The following PALM2AKAP2 variants were observed in gnomAD, a reference collection of about 807,000 sequenced individuals.
PALM2AKAP2 encodes PALM2-AKAP2 fusion protein.
Under a neutral mutation model 71.5 loss-of-function variants are expected in PALM2AKAP2, and 37 were observed. That is an observed-to-expected ratio of 0.52 (90% CI 0.40 to 0.68). The LOEUF is 0.68. Ranked by LOEUF, PALM2AKAP2 falls within the 30% of genes least tolerant of loss-of-function variation. PALM2AKAP2 has a pLI of 0.00. For synonymous variants in PALM2AKAP2, 468 were observed against 478.8 expected, an observed-to-expected ratio of 0.98 and a Z score of 0.29; for missense variants, 1,224 against 1,191.8, an observed-to-expected ratio of 1.03 and a Z score of -0.40.
chr9:109,866,895 A>G (rs1003359660), intron 1 of PALM2AKAP2: 11 of 389,356 alleles, frequency 2.8e-5, no homozygotes. Flanking sequence ...CAGCTGCCCC[A>G]CCCACATGAA....
intron 6 of PALM2AKAP2, among the ~76,000 whole-genome samples, chr9:109,947,707 C>T (rs1421042790): frequency 6.6e-6 from 1 of 152,216 alleles, no homozygotes; most frequent in Non-Finnish European, 1.5e-5. Flanking sequence ...GAGAGTTTTA[C>T]TCACTAACAG....
intron 6 of PALM2AKAP2, among the ~76,000 whole-genome samples, chr9:109,970,609 T>C (rs2132151904): frequency 6.6e-6 from 1 of 152,382 alleles, no homozygotes; most frequent in Admixed American, 6.5e-5. Flanking sequence ...GGAGCCTGCC[T>C]CTGGGGCAGG....
intron 3 of PALM2AKAP2, among the ~76,000 whole-genome samples, chr9:109,896,013 G>A (rs1033348440): frequency 2.0e-5 from 3 of 151,958 alleles, no homozygotes; most frequent in African/African-American, 4.8e-5. Flanking sequence ...GTGAAACCCC[G>A]TCTCTACTAA....
intron 1 of PALM2AKAP2, among the ~76,000 whole-genome samples, chr9:109,710,755 G>A (rs550993376): frequency 2.1e-4 from 32 of 152,256 alleles, no homozygotes; most frequent in African/African-American, 7.5e-4. Context: ...GGAGCAATAA[G>A]GATACTTGAA....
intron 6 of PALM2AKAP2, chr9:109,943,261 G>A: frequency 6.2e-7 from 1 of 1,614,256 alleles, no homozygotes; most frequent in Non-Finnish European, 8.5e-7. Flanking sequence ...GACAGTGACG[G>A]ACGTGTCCAC....
intron 6 of PALM2AKAP2, among the ~76,000 whole-genome samples, chr9:110,014,087 T>A (rs1832929486): frequency 6.6e-6 from 1 of 152,192 alleles, no homozygotes; most frequent in African/African-American, 2.4e-5. Flanking sequence ...GCCTAAAATA[T>A]TTACTATGTG....
intron 1 of PALM2AKAP2, among the ~76,000 whole-genome samples, chr9:109,811,471 G>A (rs1186222771): frequency 6.6e-6 from 1 of 152,052 alleles, no homozygotes; most frequent in African/African-American, 2.4e-5. Flanking sequence ...CTAATGCATG[G>A]TGGAAAGTTA....
intron 1 of PALM2AKAP2, among the ~76,000 whole-genome samples, chr9:109,760,800 C>T (rs74315788): frequency 0.011 from 1,626 of 152,302 alleles, 15 homozygotes; most frequent in Non-Finnish European, 0.019. Flanking sequence ...CCTTAGAGTA[C>T]AAATGCACTC....
intron 3 of PALM2AKAP2, among the ~76,000 whole-genome samples, chr9:110,160,069 C>T (rs576332866): frequency 1.5e-4 from 23 of 152,324 alleles, no homozygotes; most frequent in African/African-American, 5.5e-4. Flanking sequence ...GGATTACCAT[C>T]CCCACCCCTA....
intron 6 of PALM2AKAP2, among the ~76,000 whole-genome samples, chr9:110,009,374 G>T (rs377257758): frequency 2.0e-5 from 3 of 152,098 alleles, no homozygotes; most frequent in Admixed American, 6.6e-5. Flanking sequence ...CTCTTTAGCC[G>T]CCTGACGCCT....
chr9:109,973,539 C>A (rs1026387685), intron 6 of PALM2AKAP2, among the ~76,000 whole-genome samples: 4 of 152,206 alleles, frequency 2.6e-5, no homozygotes, highest in Non-Finnish European at 5.9e-5. Flanking sequence ...AGGCAAGTCA[C>A]ATGGCCAAGC....
intron 1 of PALM2AKAP2, among the ~76,000 whole-genome samples, chr9:109,651,507 A>T (rs1178661246): frequency 6.6e-6 from 1 of 152,170 alleles, no homozygotes; most frequent in Non-Finnish European, 1.5e-5. Flanking sequence ...ATCCAGTTGG[A>T]GTATGCCATC....
chr9:109,665,001 A>C (rs1398896737), intron 1 of PALM2AKAP2, among the ~76,000 whole-genome samples: 1 of 152,142 alleles, frequency 6.6e-6, no homozygotes, highest in African/African-American at 2.4e-5. Flanking sequence ...TGCATGTGTC[A>C]CAAAGTTCTC....
intron 1 of PALM2AKAP2, among the ~76,000 whole-genome samples, chr9:110,108,635 G>A (rs992443398): frequency 2.0e-5 from 3 of 151,960 alleles, no homozygotes; most frequent in South Asian, 2.1e-4. Flanking sequence ...TTCAAAAATC[G>A]TGACCCATAT....
rs1834603491 is a variant in PALM2AKAP2, at chr9:110,087,607, G to A, written c.156+38752G>A. On this transcript the variant is annotated intron_variant, in intron 1 of 3. Coordinates refer to ENST00000374525, the Ensembl canonical transcript of PALM2AKAP2. ...ATGAGTTCTAGAACATGGTTCCATG[G>A]GGCAGAGTTCTGACTTTAAAAAAGC... Among the ~76,000 whole-genome samples the A allele has an allele frequency of 3.9e-5, 6 of 152,170 alleles. No homozygotes were observed. In the South Asian group the frequency reaches 1.0e-3, roughly 26 times the overall value.
chr9:109,688,350 C>A lies in PALM2AKAP2; in HGVS notation c.5+47484C>A, dbSNP rs555357931. ...AAATGAACAATAAATCATTTGTAAA[C>A]CCATACTGGTCTGTGAACCAAACTT... On this transcript the variant is annotated intron_variant, in intron 1 of 6. Coordinates refer to the PALM2AKAP2 transcript ENST00000374531. Among the ~76,000 whole-genome samples, 16 of 152,294 alleles carry A rather than the reference C, an allele frequency of 1.1e-4. No individual in the cohort carries two copies. In the East Asian group the frequency reaches 3.1e-3, roughly 29 times the overall value.
chr9:109,874,632 G>C lies in PALM2AKAP2; in HGVS notation c.127-5919G>C, dbSNP rs187866518. 5.3e-5 allele frequency among the ~76,000 whole-genome samples: 8 copies of C among 152,290 alleles called. No individual in the cohort carries two copies. In the East Asian group the frequency reaches 1.5e-3, roughly 29 times the overall value. Reference sequence around the variant, plus strand: ...GAATCCCAGTCTTCCATGTTCAACTGCTTTTCTGACATGTCCGCTTAGATG... The same window carrying C: ...GAATCCCAGTCTTCCATGTTCAACTCCTTTTCTGACATGTCCGCTTAGATG... On this transcript the variant is annotated intron_variant, in intron 2 of 9. Coordinates refer to the PALM2AKAP2 transcript ENST00000302798.
chr9:109,850,201 T>C (rs1193291606), intron 1 of PALM2AKAP2, among the ~76,000 whole-genome samples: 1 of 152,184 alleles, frequency 6.6e-6, no homozygotes, highest in Admixed American at 6.5e-5. Flanking sequence ...GCTTAGGTCA[T>C]GTTAATTAGT....
At chr9:109,669,447 G>A (rs1020880033) in intron 1 of PALM2AKAP2, among the ~76,000 whole-genome samples, 8 of 151,840 alleles carry the variant, frequency 5.3e-5, no homozygotes, top group Non-Finnish European at 2.9e-5. Flanking sequence ...TCAGAGTTAT[G>A]TTGGCATCAT....
Sources: gnomAD v4.1 joint callset for allele counts (sites outside exome capture counted in the v4.1 genomes callset) on GRCh38, gnomAD v4.1.1 for gene constraint, MANE v1.5 for transcripts, NCBI Gene and HGNC (gene_info 2026-07-23, HGNC 2026-07-21) for gene names.